The following LY75 variants were observed in gnomAD, a reference collection of about 807,000 sequenced individuals.
LY75 encodes lymphocyte antigen 75.
A neutral mutation model predicts 231.7 loss-of-function variants in LY75; 185 were observed. The observed-to-expected ratio is 0.80, with a 90% CI of 0.71 to 0.90. The LOEUF is 0.90. Among genes scored for constraint, LY75 ranks in the 40% least tolerant of loss-of-function variants. The probability of loss-of-function intolerance (pLI) is 0.00; values close to 1 mark genes in which losing one functional copy is unlikely to be tolerated. For synonymous variants in LY75, 668 were observed against 689.0 expected (o/e 0.97, Z 0.48); for missense variants, 1,947 against 2,050.2 (o/e 0.95, Z 0.97).
intron 25 of LY75, among the ~76,000 whole-genome samples, chr2:159,837,201 G>A (rs541287453): frequency 6.6e-6 from 1 of 152,186 alleles, no homozygotes; most frequent in Non-Finnish European, 1.5e-5. Context: ...TATGTTTATT[G>A]TAGCACTATT....
At chr2:159,835,434 G>A in intron 26 of LY75, 46 bp downstream of exon 26, 1 of 1,530,428 alleles carries the variant, frequency 6.5e-7, no homozygotes, top group Non-Finnish European at 8.8e-7. Context: ...TACCACTTAT[G>A]GGACTGTTAA....
chr2:159,847,165 C>T lies in LY75; in HGVS notation c.3150+2815G>A, dbSNP rs182850029. 2.6e-4 allele frequency among the ~76,000 whole-genome samples: 40 copies of T among 152,224 alleles called. No individual in the cohort carries two copies. In the East Asian group the frequency reaches 5.6e-3, roughly 21 times the overall value. On this transcript the variant is annotated intron_variant, in intron 23 of 34. Transcript: ENST00000263636. ...TAGCTGGGAGTACAGGCCCACACTG[C>T]CATGCCCGGTTAATTTTTTGTACTT...
At position 159,885,153 on chromosome 2, in the gene LY75, C is replaced by A. The variant is rs1250903272; in HGVS notation, c.1054G>T (p.Asp352Tyr). Reference sequence around the variant, plus strand: ...TTGTATGAGTATGTGAGAAAGATACCTGTTAACTCCACTGTATTATTTAAT... The same window carrying A: ...TTGTATGAGTATGTGAGAAAGATACATGTTAACTCCACTGTATTATTTAAT... ...KPLNNTVELT[D>Y]VWTYSDTRCD... The change falls in exon 6 of 35, where the codon GAT becomes TAT. Residue 352 changes from aspartate to tyrosine, a missense_variant and splice_region_variant. Transcript: ENST00000263636. The A allele has an allele frequency of 8.7e-6, 14 of 1,612,168 alleles. No individual in the cohort carries two copies. Among genetic ancestry groups the A allele is most frequent in the Non-Finnish European group, 1.1e-5 (13 of 1,179,020 alleles).
intron 23 of LY75, among the ~76,000 whole-genome samples, chr2:159,846,131 C>T (rs2125850563): frequency 6.6e-6 from 1 of 151,748 alleles, no homozygotes; most frequent in African/African-American, 2.4e-5. Flanking sequence ...GATGCTAGAA[C>T]AAGTGGCTAG....
At chr2:159,815,661 T>C (rs965474581) in intron 30 of LY75, 88 bp from the exon 31 acceptor site, 2 of 1,442,768 alleles carry the variant, frequency 1.4e-6, no homozygotes, top group African/African-American at 2.9e-5. Context: ...TTAAGAAATA[T>C]TATAATGGAA....
intron 11 of LY75, among the ~76,000 whole-genome samples, chr2:159,876,583 G>C (rs1255305825): frequency 6.6e-6 from 1 of 152,094 alleles, no homozygotes; most frequent in Non-Finnish European, 1.5e-5. Flanking sequence ...TGCAATAATG[G>C]TAAAGAGAGC....
In LY75 at chr2:159,864,826, C is replaced by T. The variant is rs753286562; in HGVS notation, c.2199+13G>A. 2.3e-5 allele frequency: 36 copies of T among 1,568,756 alleles called. No individual in the cohort carries two copies. The highest frequency in any genetic ancestry group is 2.1e-4 in the East Asian group (9 of 42,790). On this transcript the variant is annotated intron_variant, in intron 14 of 34. Transcript: ENST00000263636. The stretch of plus-strand genomic sequence containing the variant: ...GTTTCCATACTACCTAAAACAATAA[C>T]GTTTTAACTTACTGGTGTACGATCA...
chr2:159,876,955 G>C (rs1685288935), intron 11 of LY75, among the ~76,000 whole-genome samples: 2 of 134,042 alleles, frequency 1.5e-5, no homozygotes, highest in Admixed American at 1.8e-4. Flanking sequence ...GTTACAGTGA[G>C]CCGAGATCGA....
intron 24 of LY75, 143 bp from the exon 25 acceptor site, chr2:159,841,098 T>A: frequency 7.7e-7 from 1 of 1,293,160 alleles, no homozygotes; most frequent in Non-Finnish European, 1.0e-6. Flanking sequence ...GTGAGAGAAT[T>A]AGGTATGTCT....
chr2:159,808,259 G>C (rs191128233), intron 33 of LY75, 190 bp downstream of exon 33: 1 of 774,924 alleles, frequency 1.3e-6, no homozygotes, highest in Non-Finnish European at 1.6e-6. Context: ...AGTGGTTTCC[G>C]TCATTGCTAA....
intron 23 of LY75, among the ~76,000 whole-genome samples, chr2:159,844,712 G>GA (rs1256054058): frequency 2.5e-4 from 36 of 146,120 alleles, no homozygotes; most frequent in Middle Eastern, 3.6e-3. Flanking sequence ...TGCCTATGGG[G>GA]GAAAAAAAAA....
At chr2:159,875,701 C>G (rs2125871971) in intron 11 of LY75, 58 bp from the exon 12 acceptor site, 1 of 1,595,830 alleles carries the variant, frequency 6.3e-7, no homozygotes, top group Non-Finnish European at 8.5e-7. Flanking sequence ...CAAACATTTT[C>G]TAGTGTTTCT....
At chr2:159,892,904 ATCTATC>A (rs774793115) in intron 3 of LY75, among the ~76,000 whole-genome samples, 40 of 152,178 alleles carry the variant, frequency 2.6e-4, no homozygotes, top group Admixed American at 7.2e-4. Context: ...AGCCAGGAAG[ATCTATC>A]TCTTCTCTTT....
intron 32 of LY75, among the ~76,000 whole-genome samples, chr2:159,809,217 A>G (rs1383447464): frequency 1.3e-5 from 2 of 152,234 alleles, no homozygotes; most frequent in Non-Finnish European, 2.9e-5. Flanking sequence ...TTGCTACCCA[A>G]GGAAGCAGGT....
intron 4 of LY75, among the ~76,000 whole-genome samples, chr2:159,887,581 A>G (rs28378710): frequency 0.027 from 4,041 of 149,706 alleles, 169 homozygotes; most frequent in African/African-American, 0.09. Context: ...AAAAAAAAAA[A>G]AAAGAAAAAA....
chr2:159,849,935 T>G, intron 23 of LY75, 45 bp downstream of exon 23: 2 of 1,578,682 alleles, frequency 1.3e-6, no homozygotes, highest in Non-Finnish European at 8.6e-7. Context: ...AAGACTCAAG[T>G]ATTTCACAGA....
At chr2:159,820,928 C>A (rs554299909) in intron 28 of LY75, among the ~76,000 whole-genome samples, 88 of 152,284 alleles carry the variant, frequency 5.8e-4, no homozygotes, top group African/African-American at 2.0e-3. Flanking sequence ...CAACCTCCAC[C>A]TCCTGGGTTC....
Position 159,873,046 on chromosome 2 carries a change from C to T in LY75, c.1975-453G>A, listed in dbSNP as rs527861651. On this transcript the variant is annotated intron_variant, in intron 12 of 34. Transcript: ENST00000263636. ...TTTCTGACGAGGAACAACCAAAGAG[C>T]AGTCTGCACTGGTGTGTGAATATTG... Among the ~76,000 whole-genome samples the T allele has an allele frequency of 3.2e-4, 48 of 152,128 alleles. 1 individual carries two copies. The highest frequency in any genetic ancestry group is 1.1e-3 in the African/African-American group (46 of 41,508).
At chr2:159,887,812 T>C (rs1685640551) in intron 4 of LY75, among the ~76,000 whole-genome samples, 1 of 152,160 alleles carries the variant, frequency 6.6e-6, no homozygotes, top group Non-Finnish European at 1.5e-5. Context: ...TCCTTTACCA[T>C]ATTACATTAC....
Sources: allele counts gnomAD v4.1 joint callset (sites outside exome capture counted in the v4.1 genomes callset), GRCh38; gene constraint gnomAD v4.1.1; transcripts MANE v1.5; gene names NCBI Gene and HGNC (gene_info 2026-07-23, HGNC 2026-07-21).